The following CIAO3 variants were observed in gnomAD, a reference collection of about 807,000 sequenced individuals.
The protein encoded by CIAO3 is cytosolic iron-sulfur assembly component 3.
Under a neutral mutation model 51.5 loss-of-function variants are expected in CIAO3, and 45 were observed. That is an observed-to-expected ratio of 0.87 (90% CI 0.69 to 1.12). The LOEUF (loss-of-function observed/expected upper bound fraction) is 1.12. Ranked by LOEUF, CIAO3 falls within the 50% of genes most tolerant of loss-of-function variation. The pLI, the probability that CIAO3 is intolerant of heterozygous loss-of-function variation, is 0.00. For synonymous variants in CIAO3, 314 were observed against 269.3 expected (o/e 1.17, Z -1.63); for missense variants, 668 against 632.5 (o/e 1.06, Z -0.60).
At position 733,402 on chromosome 16, in the gene CIAO3, T is replaced by C. The variant is rs1189211112; in HGVS notation, c.719A>G (p.His240Arg). The C allele has an allele frequency of 6.2e-7, 1 of 1,613,846 alleles. No individual in the cohort carries two copies. Among genetic ancestry groups the C allele is most frequent in the Non-Finnish European group, 8.5e-7 (1 of 1,179,986 alleles). Residue 240 changes from histidine (H) to arginine (R), a missense_variant, in exon 7 of 11, where the codon CAC becomes CGC. Coordinates refer to ENST00000251588, the MANE Select transcript of CIAO3 (RefSeq NM_022493.3). ...GTCATAGCAGGGCATCACTGTGACG[T>C]GGTAGATCTTGTCAGGGGTCAAGTG... ...QQHLTPDKIY[H>R]VTVMPCYDKK...
intron 6 of CIAO3, chr16:733,762 C>T (rs1318555464): frequency 2.5e-6 from 1 of 394,844 alleles, no homozygotes; most frequent in Non-Finnish European, 4.8e-6. Flanking sequence ...CAGCTCCAGC[C>T]CCGGGTGAAA....
rs1317604495 is a variant in CIAO3 at position 730,274 on chromosome 16, C to G, written c.*143G>C. ...TGGAGGTGACGAGGCGGCTGCGGGT[C>G]CTGGCTAGTCCTAGCTCCTACTCGG... On this transcript the variant is annotated 3_prime_UTR_variant, in exon 11 of 11. Coordinates refer to ENST00000251588, the MANE Select transcript of CIAO3 (RefSeq NM_022493.3). 1 of 811,214 alleles carries G rather than the reference C, an allele frequency of 1.2e-6. No individual in the cohort carries two copies. The highest frequency in any genetic ancestry group is 1.7e-5 in the South Asian group (1 of 58,722). The allele number at this position is 811,214 out of a possible 1,614,324, so 50.3% of individuals were successfully genotyped here.
intron 7 of CIAO3, 170 bp downstream of exon 7, chr16:733,128 G>A (rs2041302483): frequency 1.3e-6 from 1 of 794,710 alleles, no homozygotes; most frequent in African/African-American, 1.7e-5. Context: ...AGCTGCAAAT[G>A]GGCCCACCTG....
chr16:734,662 C>T (rs753338405), intron 5 of CIAO3, 75 bp downstream of exon 5: 8 of 1,611,386 alleles, frequency 5.0e-6, no homozygotes, highest in Non-Finnish European at 6.8e-6. Context: ...CCCGCCTTGT[C>T]ATTTGTGTCC....
At chr16:733,947 G>A (rs1014285103) in intron 6 of CIAO3, 9 of 447,708 alleles carry the variant, frequency 2.0e-5, no homozygotes, top group Non-Finnish European at 2.5e-5. Context: ...CCTGGTGGCC[G>A]GAGGGGTGGG....
At chr16:732,396 A>G (rs996884503) in intron 7 of CIAO3, 23 bp from the exon 8 acceptor site, 4 of 1,612,140 alleles carry the variant, frequency 2.5e-6, no homozygotes, top group East Asian at 2.2e-5. Context: ...CACAGCGCAG[A>G]CACTCTTTAG....
At chr16:732,442 G>C in intron 7 of CIAO3, 69 bp from the exon 8 acceptor site, 1 of 1,550,538 alleles carries the variant, frequency 6.4e-7, no homozygotes, top group Non-Finnish European at 8.9e-7. Flanking sequence ...GAACATCCAA[G>C]CCACCTGCAT....
Position 737,251 on chromosome 16 carries a change from C to A in CIAO3, c.241G>T (p.Ala81Ser), listed in dbSNP as rs767942082. 3 of 1,613,464 alleles carry A rather than the reference C, an allele frequency of 1.9e-6. No individual in the cohort carries two copies. The highest frequency in any genetic ancestry group is 2.2e-5 in the East Asian group (1 of 44,888). The change falls in exon 3 of 11, where the codon GCA becomes TCA. Residue 81 changes from alanine (A) to serine (S), a missense_variant. By Grantham distance (99) the Ala-to-Ser change is moderately conservative. Transcript: ENST00000251588. This position sits in a 1 kb window ranked among gnomAD's most constrained non-coding sequence, Gnocchi z 5.3. The part of the protein sequence containing the change: ...CLACSGCITS[A>S]ETVLITQQSH... ...TGCTGGGTGATAAGCACGGTCTCTG[C>A]GGAGGTGATGCAGCCGCTGCACGCC...
rs1263444016 is a variant in CIAO3 at position 739,634 on chromosome 16, G to T, written c.162+9C>A. On this transcript the variant is annotated intron_variant, in intron 2 of 10. Coordinates refer to ENST00000251588, the MANE Select transcript of CIAO3 (RefSeq NM_022493.3). ...AGGAGAGATGGTGGAGCAGCCTCCT[G>T]TGCCTTACTTGGTTAATTTGGAAGT... 6.2e-7 allele frequency: 1 copy of T among 1,613,340 alleles called. No individual in the cohort carries two copies. Among genetic ancestry groups the T allele is most frequent in the Non-Finnish European group, 8.5e-7 (1 of 1,179,274 alleles).
intron 6 of CIAO3, 154 bp downstream of exon 6, chr16:734,075 G>T: frequency 1.4e-6 from 1 of 689,764 alleles, no homozygotes; most frequent in Non-Finnish European, 2.6e-6. Flanking sequence ...AAGAGGAAGG[G>T]CCTGAACCAG....
In CIAO3 at chr16:740,964, C is replaced by T. The variant is rs969700716; in HGVS notation, c.22G>A (p.Ala8Thr). The change falls in exon 1 of 11, where the codon GCG (alanine) becomes ACG (threonine). Residue 8 changes from alanine to threonine, a missense_variant. Ala to Thr is a moderately conservative substitution (Grantham distance 58). Transcript: ENST00000251588. MASPFSGALQLTDLDDFI... is the reference protein window; with the variant it reads MASPFSGTLQLTDLDDFI... ...TCATCCAGGTCCGTCAGCTGCAGCG[C>T]CCCGCTGAAGGGCGACGCCATGACG... The T allele has an allele frequency of 1.4e-5, 21 of 1,517,108 alleles. No individual in the cohort carries two copies. Among genetic ancestry groups the T allele is most frequent in the Non-Finnish European group, 1.8e-5 (20 of 1,136,306 alleles). The allele number at this position is 1,517,108 out of a possible 1,614,324, so 94.0% of individuals were successfully genotyped here. A position where few individuals can be genotyped will look rare whatever the true frequency, so the allele number is the denominator to read the frequency against.
intron 4 of CIAO3, 73 bp from the exon 5 acceptor site, chr16:734,944 C>T (rs2041323472): frequency 1.4e-6 from 2 of 1,462,318 alleles, no homozygotes; most frequent in Admixed American, 5.2e-5. Flanking sequence ...GCGTGTGGAC[C>T]ACCATGGTGC....
In CIAO3 at chr16:731,620, C is replaced by T. The variant is rs530672481; in HGVS notation, c.979G>A (p.Ala327Thr). Reference sequence around the variant, plus strand: ...TGGATTCCAAAGAGCTCTCGGGCCGCGTGCCGGAACACGTGCTCCAGGTAG... The same window carrying T: ...TGGATTCCAAAGAGCTCTCGGGCCGTGTGCCGGAACACGTGCTCCAGGTAG... Reference protein sequence around the residue: ...GGYLEHVFRHAARELFGIHVA... With the variant: ...GGYLEHVFRHTARELFGIHVA... Residue 327 changes from alanine to threonine, a missense_variant, in exon 9 of 11, where the codon GCG (alanine) becomes ACG (threonine). Transcript: ENST00000251588. 1.2e-5 allele frequency: 18 copies of T among 1,561,908 alleles called. No homozygotes were observed. Among genetic ancestry groups the T allele is most frequent in the East Asian group, 4.8e-5 (2 of 41,638 alleles).
intron 1 of CIAO3, chr16:740,696 T>C: frequency 1.8e-6 from 1 of 548,268 alleles, no homozygotes; most frequent in Non-Finnish European, 3.2e-6. Flanking sequence ...CAGGAGCGGG[T>C]TGGGGGGCGC....
At chr16:733,709 A>G in intron 6 of CIAO3, 1 of 455,822 alleles carries the variant, frequency 2.2e-6, no homozygotes. Flanking sequence ...GGGCCGTCTC[A>G]CTGCACAGCA....
chr16:734,909 G>A (rs143998400), intron 4 of CIAO3, 38 bp from the exon 5 acceptor site: 27 of 1,516,304 alleles, frequency 1.8e-5, no homozygotes, highest in South Asian at 9.0e-5. Flanking sequence ...AACCCCATGC[G>A]GGACGCCCAC....
chr16:732,630 G>A (rs571818817), intron 7 of CIAO3: 17 of 565,542 alleles, frequency 3.0e-5, no homozygotes, highest in Non-Finnish European at 5.5e-5. Flanking sequence ...CATCCTCTTA[G>A]GCAGTCTGCT....
At chr16:734,376 G>C in intron 5 of CIAO3, 29 bp from the exon 6 acceptor site, 1 of 1,538,728 alleles carries the variant, frequency 6.5e-7, no homozygotes, top group Non-Finnish European at 8.9e-7. Flanking sequence ...CACGGGGCTG[G>C]CGGGGGCGCA....
At position 736,370 on chromosome 16, in the gene CIAO3, A is replaced by G. The variant is rs779965803; in HGVS notation, c.335T>C (p.Val112Ala). The G allele has an allele frequency of 1.9e-6, 3 of 1,612,844 alleles. No individual in the cohort carries two copies. Among genetic ancestry groups the G allele is most frequent in the African/African-American group, 1.3e-5 (1 of 74,910 alleles). Residue 112 changes from valine to alanine, a missense_variant, in exon 4 of 11, where the codon GTT becomes GCT. Val to Ala is a moderately conservative substitution (Grantham distance 64). Coordinates refer to ENST00000251588, the MANE Select transcript of CIAO3 (RefSeq NM_022493.3). ...AGACTGTGGTGAGACCGAAACTACA[A>G]CCAGCCTCTGCTGACTGGGTGCCGC... ...KMAAPSQQRLVVVSVSPQSRA... is the reference protein window; with the variant it reads ...KMAAPSQQRLAVVSVSPQSRA...
Sources: allele counts gnomAD v4.1 joint callset, GRCh38; gene constraint gnomAD v4.1.1; non-coding constraint Gnocchi (gnomAD v3.1); transcripts MANE v1.5; gene names NCBI Gene and HGNC (gene_info 2026-07-23, HGNC 2026-07-21).